Variants in QNG1 observed in about 807,000 individuals in gnomAD.
QNG1 encodes the protein queuosine 5'-phosphate N-glycosylase/hydrolase.
At chr9:83,946,709 A>T in the QNG1 span, among the ~76,000 whole-genome samples, 1 of 152,054 alleles carries the variant, frequency 6.6e-6, no homozygotes, top group Non-Finnish European at 1.5e-5. Context: ...AAACGATGAA[A>T]CTCCATCTCT....
the QNG1 span, among the ~76,000 whole-genome samples, chr9:83,946,919 T>A: frequency 0.012 from 1,853 of 151,672 alleles, 28 homozygotes; most frequent in African/African-American, 0.037. Context: ...TTTTTTTTTT[T>A]AATTAGCCAG....
At chr9:83,946,094 C>A in the QNG1 span, among the ~76,000 whole-genome samples, 3 of 151,900 alleles carry the variant, frequency 2.0e-5, no homozygotes, top group Non-Finnish European at 4.4e-5. Context: ...ATCACGAGGT[C>A]AGGAGTTCGA....
chr9:83,954,918 G>A, the QNG1 span, among the ~76,000 whole-genome samples: 2 of 141,456 alleles, frequency 1.4e-5, no homozygotes, highest in Non-Finnish European at 3.0e-5. Context: ...AAGAAATGAC[G>A]CCAGCGTGGT....
the QNG1 span, among the ~76,000 whole-genome samples, chr9:83,948,098 A>G: frequency 6.9e-6 from 1 of 145,398 alleles, no homozygotes; most frequent in Admixed American, 6.9e-5. Flanking sequence ...CCATCGTCTG[A>G]GATGTGGGGA....
chr9:83,939,844 T>A, the QNG1 span: 1 of 754,762 alleles, frequency 1.3e-6, no homozygotes, highest in Middle Eastern at 2.4e-4. Flanking sequence ...TGGTACTCAT[T>A]TTAAAACTGT....
chr9:83,956,446 G>A, the QNG1 span: 4 of 1,547,854 alleles, frequency 2.6e-6, no homozygotes, highest in South Asian at 1.3e-5. Context: ...AACACATCCC[G>A]ACTGTTTTCT....
chr9:83,952,389 CTG>C, the QNG1 span, among the ~76,000 whole-genome samples: 4 of 152,204 alleles, frequency 2.6e-5, no homozygotes, highest in African/African-American at 9.6e-5. Context: ...AGGTCAGGCG[CTG>C]TGGCTCACGC....
chr9:83,956,178 C>G, the QNG1 span: 15 of 1,610,892 alleles, frequency 9.3e-6, no homozygotes, highest in South Asian at 1.5e-4. Flanking sequence ...GTCGAGGGCT[C>G]TGTTGACGGC....
At chr9:83,954,604 C>G in the QNG1 span, among the ~76,000 whole-genome samples, 124 of 149,568 alleles carry the variant, frequency 8.3e-4, no homozygotes, top group African/African-American at 2.8e-3. Flanking sequence ...AAAAAAGGCC[C>G]GGCACAGTGG....
the QNG1 span, among the ~76,000 whole-genome samples, chr9:83,952,523 C>T: frequency 5.0e-4 from 76 of 152,038 alleles, 1 homozygote; most frequent in Admixed American, 4.2e-3. Context: ...AGGCCAGGTG[C>T]GGTGGCTCAC....
chr9:83,941,595 C>G, the QNG1 span, among the ~76,000 whole-genome samples: 2 of 151,842 alleles, frequency 1.3e-5, no homozygotes, highest in Non-Finnish European at 2.9e-5. Flanking sequence ...TGTTTCTAAA[C>G]AAAAAAGAAA....
the QNG1 span, chr9:83,956,376 G>A: frequency 4.0e-5 from 65 of 1,606,100 alleles, no homozygotes; most frequent in Non-Finnish European, 5.4e-5. Context: ...GCGCAGCTCT[G>A]GCCCCGCCGC....
chr9:83,951,780 C>A, the QNG1 span, among the ~76,000 whole-genome samples: 380 of 152,170 alleles, frequency 2.5e-3, 2 homozygotes, highest in Non-Finnish European at 4.4e-3. Flanking sequence ...ATTCATCAGG[C>A]TCTTTGAGGG....
At chr9:83,941,441 G>C in the QNG1 span, among the ~76,000 whole-genome samples, 1 of 152,170 alleles carries the variant, frequency 6.6e-6, no homozygotes, top group Non-Finnish European at 1.5e-5. Context: ...AAGTAGCCAG[G>C]CATGGTGGTA....
At chr9:83,947,740 C>T in the QNG1 span, among the ~76,000 whole-genome samples, 1 of 152,236 alleles carries the variant, frequency 6.6e-6, no homozygotes, top group African/African-American at 2.4e-5. Flanking sequence ...GTCTCCAGCT[C>T]CTGACCGCGA....
the QNG1 span, among the ~76,000 whole-genome samples, chr9:83,951,421 G>C: frequency 6.6e-6 from 1 of 152,052 alleles, no homozygotes; most frequent in African/African-American, 2.4e-5. Flanking sequence ...TTAGCCTGGC[G>C]TGGTGGTGCG....
the QNG1 span, among the ~76,000 whole-genome samples, chr9:83,954,777 G>A: frequency 6.9e-6 from 1 of 145,536 alleles, no homozygotes; most frequent in Non-Finnish European, 1.5e-5. Flanking sequence ...CTAGTCGGGA[G>A]ACTGAGGCAG....
the QNG1 span, among the ~76,000 whole-genome samples, chr9:83,948,263 G>C: frequency 4.0e-5 from 6 of 150,844 alleles, no homozygotes; most frequent in African/African-American, 1.2e-4. Flanking sequence ...GAAGTGAGGA[G>C]CCCCTCCGCC....
At chr9:83,945,272 C>T in the QNG1 span, among the ~76,000 whole-genome samples, 1 of 151,600 alleles carries the variant, frequency 6.6e-6, no homozygotes, top group South Asian at 2.1e-4. Flanking sequence ...CGTGGTGGCA[C>T]ACATCTATGG....
Sources: allele counts gnomAD v4.1 joint callset (sites outside exome capture counted in the v4.1 genomes callset), GRCh38; gene constraint gnomAD v4.1.1; transcripts MANE v1.5; gene names NCBI Gene and HGNC (gene_info 2026-07-23, HGNC 2026-07-21).